The following PTPRT variants were observed in gnomAD, a reference collection of about 807,000 sequenced individuals.
The protein encoded by PTPRT is protein tyrosine phosphatase receptor type T, also known as receptor-type tyrosine-protein phosphatase T.
PTPRT carries 56 observed loss-of-function variants against 176.8 expected under a neutral mutation model. The observed-to-expected ratio is 0.32, with a 90% CI of 0.26 to 0.40. The LOEUF is 0.40. Among genes scored for constraint, PTPRT ranks in the 10% least tolerant of loss-of-function variants. The pLI is 1.00. For missense variants in PTPRT, 1,540 were observed against 1,908.2 expected, an observed-to-expected ratio of 0.81 and a Z score of 3.60; for synonymous variants, 783 against 739.0, an observed-to-expected ratio of 1.06 and a Z score of -0.96.
chr20:42,931,146 T>C (rs1979822911), intron 1 of PTPRT, among the ~76,000 whole-genome samples: 1 of 152,174 alleles, frequency 6.6e-6, no homozygotes, highest in Non-Finnish European at 1.5e-5. Flanking sequence ...ATTTGAATTA[T>C]ATCCCCTAAA....
rs190630713 is a variant in PTPRT, at chr20:42,715,254, T to C, written c.860-37095A>G. Reference sequence around the variant, plus strand: ...TCCAGACCACCTACAGCAAACTATCTACCATTCTTAGGTAACAAACAGGAC... The same window carrying C: ...TCCAGACCACCTACAGCAAACTATCCACCATTCTTAGGTAACAAACAGGAC... On this transcript the variant is annotated intron_variant, in intron 6 of 30. Coordinates refer to ENST00000373187, the MANE Select transcript of PTPRT (RefSeq NM_007050.6). Among the ~76,000 whole-genome samples the C allele has an allele frequency of 2.7e-4, 41 of 152,282 alleles. 1 individual carries two copies. Among genetic ancestry groups the C allele is most frequent in the African/African-American group, 9.9e-4 (41 of 41,550 alleles).
At chr20:42,989,797 G>T (rs1300106096) in intron 1 of PTPRT, among the ~76,000 whole-genome samples, 3 of 152,178 alleles carry the variant, frequency 2.0e-5, no homozygotes, top group Non-Finnish European at 2.9e-5. Context: ...GAAAATTGAT[G>T]ATTATAAGCT....
chr20:42,771,610 A>C, intron 4 of PTPRT, 60 bp from the exon 5 acceptor site: 3 of 1,404,738 alleles, frequency 2.1e-6, no homozygotes, highest in Non-Finnish European at 3.0e-6. Context: ...CCACTTCCCT[A>C]TTGGTGGATG....
chr20:42,194,793 T>C (rs1341074698), intron 16 of PTPRT, among the ~76,000 whole-genome samples: 1 of 152,192 alleles, frequency 6.6e-6, no homozygotes, highest in African/African-American at 2.4e-5. Context: ...TCCAAAGCAA[T>C]GGCCCATATC....
At chr20:42,774,301 C>T (rs1221837743) in intron 4 of PTPRT, among the ~76,000 whole-genome samples, 1 of 152,078 alleles carries the variant, frequency 6.6e-6, no homozygotes, top group East Asian at 1.9e-4. Context: ...GTTGTAAGCA[C>T]AATAACTGGT....
At chr20:42,787,925 G>A (rs1326564649) in intron 3 of PTPRT, among the ~76,000 whole-genome samples, 2 of 152,046 alleles carry the variant, frequency 1.3e-5, no homozygotes, top group Non-Finnish European at 2.9e-5. Flanking sequence ...CAGAAGATAT[G>A]CCAATATATT....
intron 1 of PTPRT, among the ~76,000 whole-genome samples, chr20:43,013,085 C>T (rs1315682291): frequency 6.6e-6 from 1 of 151,882 alleles, no homozygotes; most frequent in Non-Finnish European, 1.5e-5. Flanking sequence ...TTTTCCTAAT[C>T]ACCCACTAAC....
At chr20:43,037,905 T>G (rs979273242) in intron 1 of PTPRT, among the ~76,000 whole-genome samples, 3 of 152,172 alleles carry the variant, frequency 2.0e-5, no homozygotes, top group African/African-American at 7.2e-5. Context: ...TTGGTCTCCT[T>G]CTCTTCCATC....
In PTPRT at chr20:42,145,112, C is replaced by T. The variant is rs183752559; in HGVS notation, c.2683-3110G>A. Among the ~76,000 whole-genome samples the T allele has an allele frequency of 9.9e-5, 15 of 152,114 alleles. No individual in the cohort carries two copies. The South Asian group carries it at 1.5e-3, about 15-fold the overall frequency. On this transcript the variant is annotated intron_variant, in intron 17 of 30. Transcript: ENST00000373187. ...AGTTGTGTAGTCTCTGTTGCAACAA[C>T]TCATACTCAACTCTACTGTTGTAGA...
At chr20:42,209,216 C>G (rs2055554765) in intron 15 of PTPRT, among the ~76,000 whole-genome samples, 2 of 152,122 alleles carry the variant, frequency 1.3e-5, no homozygotes, top group Admixed American at 6.5e-5. Context: ...AATTAATACC[C>G]TAACATCACA....
rs141055523 is a variant in PTPRT at position 43,160,398 on chromosome 20, C to A, written c.88+29248G>T. Among the ~76,000 whole-genome samples the A allele has an allele frequency of 3.9e-5, 6 of 152,322 alleles. No individual in the cohort carries two copies. In the East Asian group the frequency reaches 7.7e-4, roughly 20 times the overall value. On this transcript the variant is annotated intron_variant, in intron 1 of 30. Coordinates refer to ENST00000373187, the MANE Select transcript of PTPRT (RefSeq NM_007050.6). ...GGTCCCAAAGACTGGCATCTTGCTG[C>A]ATCCAAAGAGGTGCTTGCTGGCATG... is the stretch of plus-strand genomic sequence containing the variant.
chr20:42,046,931 C>G, the PTPRT span, among the ~76,000 whole-genome samples: 2 of 152,174 alleles, frequency 1.3e-5, no homozygotes, highest in Non-Finnish European at 2.9e-5. Context: ...GCTGCCATGA[C>G]AGCTGGCACC....
chr20:42,271,523 G>A (rs1330331260), intron 13 of PTPRT, among the ~76,000 whole-genome samples: 1 of 152,168 alleles, frequency 6.6e-6, no homozygotes, highest in East Asian at 1.9e-4. Flanking sequence ...AGCAGACACG[G>A]TGTCCCATTT....
intron 8 of PTPRT, among the ~76,000 whole-genome samples, chr20:42,448,600 G>C (rs1007623144): frequency 3.3e-5 from 5 of 152,072 alleles, no homozygotes; most frequent in Non-Finnish European, 7.4e-5. Flanking sequence ...TTGACCCACA[G>C]GCCATAGTTT....
At chr20:42,249,280 A>G (rs1398483543) in intron 13 of PTPRT, among the ~76,000 whole-genome samples, 11 of 152,256 alleles carry the variant, frequency 7.2e-5, no homozygotes. Flanking sequence ...TTTTAAAGAT[A>G]AAAAGAGGTT....
chr20:42,471,869 C>A (rs947702714), intron 8 of PTPRT, among the ~76,000 whole-genome samples: 1 of 152,120 alleles, frequency 6.6e-6, no homozygotes, highest in African/African-American at 2.4e-5. Flanking sequence ...GTTGCCCAGG[C>A]TGGTCTCAAA....
chr20:43,150,414 G>A (rs1243345692), intron 1 of PTPRT, among the ~76,000 whole-genome samples: 1 of 152,162 alleles, frequency 6.6e-6, no homozygotes, highest in Non-Finnish European at 1.5e-5. Flanking sequence ...TGCTTTCCCA[G>A]CAGCTATAAT....
intron 17 of PTPRT, among the ~76,000 whole-genome samples, chr20:42,144,498 G>C (rs139987367): frequency 1.2e-4 from 18 of 152,150 alleles, no homozygotes; most frequent in Middle Eastern, 6.8e-3. Flanking sequence ...GGCAACCACC[G>C]ATAAGACAGA....
At chr20:42,313,063 G>T (rs1299087535) in intron 12 of PTPRT, among the ~76,000 whole-genome samples, 2 of 152,116 alleles carry the variant, frequency 1.3e-5, no homozygotes, top group African/African-American at 4.8e-5. Context: ...ACAGCTTACA[G>T]TAAAGAAGCT....
Sources: allele counts gnomAD v4.1 joint callset (sites outside exome capture counted in the v4.1 genomes callset), GRCh38; gene constraint gnomAD v4.1.1; transcripts MANE v1.5; gene names NCBI Gene and HGNC (gene_info 2026-07-23, HGNC 2026-07-21).